Variants in RAP1GAP2 observed in about 807,000 individuals in gnomAD.
RAP1GAP2 encodes the protein rap1 GTPase-activating protein 2.
Under a neutral mutation model 95.0 loss-of-function variants are expected in RAP1GAP2, and 27 were observed. That is an observed-to-expected ratio of 0.28 (90% CI 0.21 to 0.39). The LOEUF (loss-of-function observed/expected upper bound fraction) is 0.39, where lower values mean the gene tolerates loss of function less well. Among genes scored for constraint, RAP1GAP2 ranks in the 10% least tolerant of loss-of-function variants. The probability of loss-of-function intolerance (pLI) is 1.00; values close to 1 mark genes in which losing one functional copy is unlikely to be tolerated. For missense variants in RAP1GAP2, 771 were observed against 970.0 expected (o/e 0.79, Z 2.72); for synonymous variants, 373 against 380.9 (o/e 0.98, Z 0.24).
chr17:3,018,353 T>G, intron 18 of RAP1GAP2, among the ~76,000 whole-genome samples, 155 bp downstream of exon 18: 1 of 150,494 alleles, frequency 6.6e-6, no homozygotes, highest in South Asian at 2.1e-4. Context: ...GGGGTGACCC[T>G]GACCCCTGAC....
At chr17:2,972,581 A>T (rs937238747) in intron 8 of RAP1GAP2, among the ~76,000 whole-genome samples, 3 of 137,558 alleles carry the variant, frequency 2.2e-5, no homozygotes, top group African/African-American at 8.3e-5. Context: ...CTGGGTGACA[A>T]GAGTGAAAGT....
In RAP1GAP2 at chr17:2,965,767, C is replaced by T. The variant is rs557771582; in HGVS notation, c.596+124C>T. ...AGTCTGGTCTGGGTGCACTGGCTGA[C>T]GGGGACAGGCCTGCTGGAATCCTGG... On this transcript the variant is annotated intron_variant, in intron 8 of 24. Transcript: ENST00000254695. The surrounding 1 kb of genome is among the most constrained non-coding windows in gnomAD (Gnocchi z 4.7). 75 of 722,812 alleles carry T rather than the reference C, an allele frequency of 1.0e-4. 1 individual carries two copies. In the Admixed American group the frequency reaches 1.3e-3, roughly 12 times the overall value. The allele number at this position is 722,812 out of a possible 1,614,324, so 44.8% of individuals were successfully genotyped here. A position where few individuals can be genotyped will look rare whatever the true frequency, so the allele number is the denominator to read the frequency against.
intron 3 of RAP1GAP2, among the ~76,000 whole-genome samples, chr17:2,914,236 A>T (rs1208848517): frequency 6.6e-6 from 1 of 151,998 alleles, no homozygotes; most frequent in South Asian, 2.1e-4. Context: ...TTATATCCTC[A>T]CCAGCAGTGT....
chr17:2,832,445 C>T lies in RAP1GAP2; in HGVS notation c.80+31895C>T, dbSNP rs553810547. On this transcript the variant is annotated intron_variant, in intron 2 of 24. Coordinates refer to ENST00000254695, the MANE Select transcript of RAP1GAP2 (RefSeq NM_015085.5). Reference sequence around the variant, plus strand: ...TTGTGGCGGGCACCTGTAGTCCCAGCTACTCGGGAGGCTGAGGCAGGAGAA... The same window carrying T: ...TTGTGGCGGGCACCTGTAGTCCCAGTTACTCGGGAGGCTGAGGCAGGAGAA... 2.3e-3 allele frequency among the ~76,000 whole-genome samples: 347 copies of T among 149,920 alleles called. 1 individual carries two copies. Among genetic ancestry groups the T allele is most frequent in the African/African-American group, 8.1e-3 (330 of 40,734 alleles).
chr17:2,830,286 T>C (rs890611521), intron 2 of RAP1GAP2, among the ~76,000 whole-genome samples: 19 of 151,882 alleles, frequency 1.3e-4, no homozygotes, highest in Non-Finnish European at 2.9e-5. Flanking sequence ...TGGTGGTGCA[T>C]GCCTGTAATT....
intron 3 of RAP1GAP2, among the ~76,000 whole-genome samples, chr17:2,918,833 C>T (rs1384840031): frequency 3.3e-5 from 5 of 152,140 alleles, no homozygotes; most frequent in Non-Finnish European, 2.9e-5. Context: ...AATAAGAGTA[C>T]CTGCCCTGGG....
intron 3 of RAP1GAP2, among the ~76,000 whole-genome samples, chr17:2,933,074 G>A (rs1025011771): frequency 1.3e-5 from 2 of 152,222 alleles, no homozygotes; most frequent in Non-Finnish European, 1.5e-5. Flanking sequence ...GCATGGCTGC[G>A]GTTTCCCTCC....
chr17:2,772,332 A>G (rs1480745845), upstream of RAP1GAP2, among the ~76,000 whole-genome samples: 15 of 152,068 alleles, frequency 9.9e-5, no homozygotes, highest in Admixed American at 9.8e-4. Flanking sequence ...ACTCTGTCAC[A>G]CGGGCTGGAC....
chr17:2,802,771 G>A (rs2069358395), intron 2 of RAP1GAP2, among the ~76,000 whole-genome samples: 1 of 152,166 alleles, frequency 6.6e-6, no homozygotes, highest in Admixed American at 6.6e-5. Flanking sequence ...CCTGGAGGAG[G>A]TGGCCTCTAA....
At chr17:2,858,938 T>G (rs1176206085) in intron 2 of RAP1GAP2, among the ~76,000 whole-genome samples, 1 of 151,942 alleles carries the variant, frequency 6.6e-6, no homozygotes, top group Non-Finnish European at 1.5e-5. Flanking sequence ...CCCGTAACAC[T>G]ACCGTTATTA....
At chr17:2,895,631 C>T (rs528212407) in intron 2 of RAP1GAP2, among the ~76,000 whole-genome samples, 5 of 151,888 alleles carry the variant, frequency 3.3e-5, no homozygotes, top group Non-Finnish European at 4.4e-5. Context: ...GGCTGGAGTG[C>T]AGTGGCGCGA....
At chr17:2,892,169 C>G (rs1007381901) in intron 2 of RAP1GAP2, among the ~76,000 whole-genome samples, 10 of 152,080 alleles carry the variant, frequency 6.6e-5, no homozygotes, top group African/African-American at 2.4e-4. Context: ...TATTTTCTCT[C>G]TGGTGTCACT....
intron 17 of RAP1GAP2, among the ~76,000 whole-genome samples, 156 bp from the exon 18 acceptor site, chr17:3,017,905 G>A (rs1461511621): frequency 6.7e-6 from 1 of 148,474 alleles, no homozygotes; most frequent in Admixed American, 6.9e-5. Context: ...ACTAGTATGG[G>A]CCTCTGTGAC....
At chr17:2,935,796 G>A (rs914008065) in intron 3 of RAP1GAP2, among the ~76,000 whole-genome samples, 3 of 152,188 alleles carry the variant, frequency 2.0e-5, no homozygotes, top group East Asian at 1.9e-4. Context: ...GCCGGTGACC[G>A]GGCTGGGATT....
chr17:2,988,452 ATGG>A lies in RAP1GAP2; in HGVS notation c.814-2843_814-2841del, dbSNP rs1480524402. On this transcript the variant is annotated intron_variant, in intron 11 of 24. Transcript: ENST00000254695. ...CTTCTAAAACATTGTTATTTCAAAA[ATGG>A]TATATAAATGTAGTCATATAGTGTA... 3.3e-5 allele frequency among the ~76,000 whole-genome samples: 5 copies of A among 152,342 alleles called. No homozygotes were observed. The East Asian group carries it at 7.7e-4, about 23-fold the overall frequency.
At chr17:2,861,139 A>C (rs1029920693) in intron 2 of RAP1GAP2, among the ~76,000 whole-genome samples, 2 of 150,320 alleles carry the variant, frequency 1.3e-5, no homozygotes, top group Non-Finnish European at 3.0e-5. Flanking sequence ...TCATCCCCGG[A>C]CTCTTCACTC....
rs1468877033 is a variant in RAP1GAP2, at chr17:3,033,146, CT to C, written c.*31-244del. The C allele has an allele frequency of 6.6e-6, 1 of 152,636 alleles. No homozygotes were observed. Among genetic ancestry groups the C allele is most frequent in the Non-Finnish European group, 1.5e-5 (1 of 68,388 alleles). The allele number at this position is 152,636 out of a possible 1,614,324, so 9.5% of individuals were successfully genotyped here. A position where few individuals can be genotyped will look rare whatever the true frequency, so the allele number is the denominator to read the frequency against. On this transcript the variant is annotated intron_variant, in intron 24 of 24. Coordinates refer to ENST00000254695, the MANE Select transcript of RAP1GAP2 (RefSeq NM_015085.5). This position sits in a 1 kb window ranked among gnomAD's most constrained non-coding sequence, Gnocchi z 4.9. ...GCAGAAGACAAATGGGCATATGGACCTTCACCCCCGGCTCCCATCACGCACT... is the reference window on the plus strand; with the variant it reads ...GCAGAAGACAAATGGGCATATGGACCTCACCCCCGGCTCCCATCACGCACT...
chr17:2,994,251 T>C (rs2045879172), intron 12 of RAP1GAP2, among the ~76,000 whole-genome samples: 1 of 152,024 alleles, frequency 6.6e-6, no homozygotes, highest in South Asian at 2.1e-4. Context: ...CTTTCTGCCA[T>C]GCCAGCCTGG....
At chr17:2,853,275 C>T (rs1366804040) in intron 2 of RAP1GAP2, among the ~76,000 whole-genome samples, 2 of 151,708 alleles carry the variant, frequency 1.3e-5, no homozygotes, top group Non-Finnish European at 2.9e-5. Flanking sequence ...GGCTCAGGTG[C>T]CCCCTGTAAG....
Sources: gnomAD v4.1 joint callset for allele counts (sites outside exome capture counted in the v4.1 genomes callset) on GRCh38, gnomAD v4.1.1 for gene constraint, Gnocchi (gnomAD v3.1) non-coding constraint, MANE v1.5 for transcripts, NCBI Gene and HGNC (gene_info 2026-07-23, HGNC 2026-07-21) for gene names.